CENPN: variants seen among roughly 807,000 people sequenced by gnomAD.
CENPN encodes the protein interphase centromere complex protein 32.
CENPN carries 36 observed loss-of-function variants against 48.6 expected under a neutral mutation model. The observed-to-expected ratio is 0.74, with a 90% CI of 0.57 to 0.98. The LOEUF is 0.98. Among genes scored for constraint, CENPN ranks in the 50% least tolerant of loss-of-function variants. CENPN has a pLI of 0.00. For synonymous variants in CENPN, 166 were observed against 135.2 expected, an observed-to-expected ratio of 1.23 and a Z score of -1.58; for missense variants, 439 against 399.2, an observed-to-expected ratio of 1.10 and a Z score of -0.85.
chr16:81,028,698 C>T lies in CENPN; in HGVS notation c.*47C>T, dbSNP rs767624758. 14 of 1,587,304 alleles carry T rather than the reference C, an allele frequency of 8.8e-6. No individual in the cohort carries two copies. The highest frequency in any genetic ancestry group is 1.1e-5 in the Non-Finnish European group (13 of 1,171,754). On this transcript the variant is annotated 3_prime_UTR_variant, in exon 11 of 11. Coordinates refer to ENST00000305850, the MANE Select transcript of CENPN (RefSeq NM_001100624.3). ...ACAGCTCCTCCTTCTTGATATTGCA[C>T]ATGCACTTCAGTTCATGGCTAGCTG...
chr16:81,008,646 C>T (rs1422726366), intron 1 of CENPN, among the ~76,000 whole-genome samples: 3 of 152,134 alleles, frequency 2.0e-5, no homozygotes, highest in Non-Finnish European at 4.4e-5. Flanking sequence ...GCCCCTCGCC[C>T]GTGTTCTTAA....
intron 1 of CENPN, among the ~76,000 whole-genome samples, chr16:81,010,887 C>T (rs1462839561): frequency 6.6e-6 from 1 of 152,210 alleles, no homozygotes; most frequent in Non-Finnish European, 1.5e-5. Context: ...TCTTCCCCTG[C>T]CTCACTAACC....
Position 81,030,488 on chromosome 16 carries a change from C to T in CENPN, c.*1837C>T, listed in dbSNP as rs1005319772. The T allele has an allele frequency of 3.0e-5, 24 of 788,378 alleles. No homozygotes were observed. The highest frequency in any genetic ancestry group is 3.7e-5 in the Non-Finnish European group (24 of 650,328). The allele number at this position is 788,378 out of a possible 1,614,324, so 48.8% of individuals were successfully genotyped here. A position where few individuals can be genotyped will look rare whatever the true frequency, so the allele number is the denominator to read the frequency against. ...TCTGGGCCGGGTGTAGTGGCTCACG[C>T]CTGTAATCCTAGCACTTTGGGAAGC... is the stretch of plus-strand genomic sequence containing the variant. On this transcript the variant is annotated 3_prime_UTR_variant, in exon 11 of 11. Coordinates refer to ENST00000305850, the MANE Select transcript of CENPN (RefSeq NM_001100624.3).
rs1220205089 is a variant in CENPN, at chr16:81,022,522, A to T, written c.532-75A>T. 4 of 1,255,466 alleles carry T rather than the reference A, an allele frequency of 3.2e-6. No homozygotes were observed. In the African/African-American group the frequency reaches 6.0e-5, roughly 19 times the overall value. 77.8% of individuals were successfully genotyped at this position (1,255,466 alleles called of 1,614,324 possible). ...AAACTATTCCCTAATTGCAGCTCTT[A>T]CATTTTACTTTGACAAGTATTATAA... On this transcript the variant is annotated intron_variant, in intron 6 of 10. Coordinates refer to ENST00000305850, the MANE Select transcript of CENPN (RefSeq NM_001100624.3).
At chr16:81,009,791 G>C (rs1969667662) in intron 1 of CENPN, among the ~76,000 whole-genome samples, 1 of 152,232 alleles carries the variant, frequency 6.6e-6, no homozygotes, top group Admixed American at 6.5e-5. Flanking sequence ...GAAGGAAACA[G>C]ATGACTGACA....
chr16:81,024,195 C>G (rs1970355282), intron 7 of CENPN: 1 of 151,466 alleles, frequency 6.6e-6, no homozygotes, highest in Non-Finnish European at 1.5e-5. Flanking sequence ...GAGCCATGAT[C>G]ATGCCACTCA....
chr16:81,028,732 C>T lies in CENPN; in HGVS notation c.*81C>T, dbSNP rs1970629973. 6.6e-7 allele frequency: 1 copy of T among 1,523,638 alleles called. No homozygotes were observed. Among genetic ancestry groups the T allele is most frequent in the South Asian group, 1.3e-5 (1 of 75,284 alleles). The allele number at this position is 1,523,638 out of a possible 1,614,324, so 94.4% of individuals were successfully genotyped here. On this transcript the variant is annotated 3_prime_UTR_variant, in exon 11 of 11. Coordinates refer to ENST00000305850, the MANE Select transcript of CENPN (RefSeq NM_001100624.3). Reference sequence around the variant, plus strand: ...CAGTTCATGGCTAGCTGTATAGCTTCCGTCTGTAAACTTGTATTTTCAAGA... The same window carrying T: ...CAGTTCATGGCTAGCTGTATAGCTTTCGTCTGTAAACTTGTATTTTCAAGA...
chr16:81,019,608 C>A (rs1225732781), intron 5 of CENPN, among the ~76,000 whole-genome samples: 1 of 152,052 alleles, frequency 6.6e-6, no homozygotes, highest in African/African-American at 2.4e-5. Flanking sequence ...ACAAGTATCT[C>A]ATTTGTAAGG....
chr16:81,017,322 T>G lies in CENPN; in HGVS notation c.218-4T>G. The stretch of plus-strand genomic sequence containing the variant: ...TAGTAATAAAGCTTTCTTCCCTCTC[T>G]CAGATATGCAATTTCATCAGCACCA... On this transcript the variant is annotated splice_polypyrimidine_tract_variant and splice_region_variant and intron_variant, in intron 3 of 10. Coordinates refer to ENST00000305850, the MANE Select transcript of CENPN (RefSeq NM_001100624.3). 1 of 1,587,114 alleles carries G rather than the reference T, an allele frequency of 6.3e-7. No homozygotes were observed. Among genetic ancestry groups the G allele is most frequent in the Non-Finnish European group, 8.6e-7 (1 of 1,156,254 alleles).
intron 1 of CENPN, among the ~76,000 whole-genome samples, chr16:81,011,664 G>C (rs575589807): frequency 6.6e-6 from 1 of 152,308 alleles, no homozygotes; most frequent in East Asian, 1.9e-4. Flanking sequence ...CTGAAAAAGT[G>C]TAAACATTTA....
At chr16:81,032,622 A>AG (rs1597117983), downstream of CENPN, 3 of 1,613,892 alleles carry the variant, frequency 1.9e-6, no homozygotes, top group Non-Finnish European at 1.7e-6. Flanking sequence ...GCCACAGTCA[A>AG]GGGACCCAGG....
intron 8 of CENPN, 106 bp downstream of exon 8, chr16:81,024,884 T>C (rs2151704923): frequency 1.5e-6 from 1 of 645,962 alleles, no homozygotes; most frequent in Non-Finnish European, 2.5e-6. Flanking sequence ...TTAAAACTTT[T>C]ATTGTTTTCA....
downstream of CENPN, chr16:81,032,528 C>T (rs1051939915): frequency 6.5e-7 from 1 of 1,534,984 alleles, no homozygotes; most frequent in African/African-American, 1.4e-5. Flanking sequence ...TCCTATTAAT[C>T]CGTCTTTTAT....
chr16:81,015,368 C>G (rs1969893101), intron 3 of CENPN, among the ~76,000 whole-genome samples: 1 of 152,194 alleles, frequency 6.6e-6, no homozygotes, highest in South Asian at 2.1e-4. Flanking sequence ...GTTAACATCT[C>G]TGTGGCATAC....
chr16:81,032,160 T>A (rs1970802104), downstream of CENPN, among the ~76,000 whole-genome samples: 1 of 152,150 alleles, frequency 6.6e-6, no homozygotes, highest in Non-Finnish European at 1.5e-5. Flanking sequence ...TAAGAAAGCT[T>A]CTTACTAAAA....
intron 6 of CENPN, among the ~76,000 whole-genome samples, chr16:81,021,690 C>T (rs1970212734): frequency 2.6e-5 from 4 of 152,202 alleles, no homozygotes; most frequent in Admixed American, 2.6e-4. Flanking sequence ...AGTGGTCTTT[C>T]ATCCACTTAT....
intron 3 of CENPN, among the ~76,000 whole-genome samples, chr16:81,015,186 C>G (rs1395295077): frequency 6.6e-6 from 1 of 152,258 alleles, no homozygotes; most frequent in Non-Finnish European, 1.5e-5. Flanking sequence ...CTCCTCCCTT[C>G]CATTTCATTG....
intron 8 of CENPN, among the ~76,000 whole-genome samples, chr16:81,026,169 G>GTA (rs548938741): frequency 2.1e-5 from 3 of 146,330 alleles, no homozygotes; most frequent in African/African-American, 7.6e-5. Flanking sequence ...ATATATATGT[G>GTA]TATATATATG....
intron 5 of CENPN, among the ~76,000 whole-genome samples, chr16:81,019,753 G>A (rs1970095457): frequency 6.6e-6 from 1 of 151,872 alleles, no homozygotes; most frequent in Non-Finnish European, 1.5e-5. Flanking sequence ...GCACGTGCCT[G>A]TGGTCTCAGC....
Sources: gnomAD v4.1 joint callset for allele counts (sites outside exome capture counted in the v4.1 genomes callset) on GRCh38, gnomAD v4.1.1 for gene constraint, MANE v1.5 for transcripts, NCBI Gene and HGNC (gene_info 2026-07-23, HGNC 2026-07-21) for gene names.